Variants in TAFA2 observed in about 807,000 individuals in gnomAD.
The protein encoded by TAFA2 is chemokine-like protein TAFA-2.
TAFA2 carries 7 observed loss-of-function variants against 18.8 expected under a neutral mutation model. The ratio of observed to expected loss-of-function variants is 0.37; its 90% confidence interval spans 0.21 to 0.70. The LOEUF (loss-of-function observed/expected upper bound fraction) is 0.70. Ranked by LOEUF, TAFA2 falls within the 30% of genes least tolerant of loss-of-function variation. The pLI is 0.53. For missense variants in TAFA2, 122 were observed against 158.1 expected (o/e 0.77, Z 1.23); for synonymous variants, 60 against 54.2 (o/e 1.11, Z -0.47).
intron 1 of TAFA2, among the ~76,000 whole-genome samples, chr12:61,874,828 C>T (rs962616094): frequency 5.3e-5 from 8 of 152,080 alleles, no homozygotes; most frequent in Non-Finnish European, 1.0e-4. Context: ...GCTACATCAC[C>T]ATGCATCTAT....
chr12:62,125,312 T>C (rs999033914), intron 1 of TAFA2, among the ~76,000 whole-genome samples: 2 of 152,142 alleles, frequency 1.3e-5, no homozygotes, highest in African/African-American at 4.8e-5. Flanking sequence ...AGCAAACTGC[T>C]CTAAGCACAG....
intron 1 of TAFA2, among the ~76,000 whole-genome samples, chr12:62,062,647 A>G (rs1882381620): frequency 6.6e-6 from 1 of 152,236 alleles, no homozygotes; most frequent in Admixed American, 6.5e-5. Flanking sequence ...TTAAAACAAC[A>G]TAAACTTATT....
intron 2 of TAFA2, among the ~76,000 whole-genome samples, chr12:61,853,232 AT>A (rs556032072): frequency 6.3e-4 from 96 of 152,146 alleles, no homozygotes; most frequent in Non-Finnish European, 7.1e-4. Flanking sequence ...AGAGGCAAAA[AT>A]AAAGTTTACA....
chr12:62,117,507 A>G (rs751333050), intron 1 of TAFA2, among the ~76,000 whole-genome samples: 1 of 152,186 alleles, frequency 6.6e-6, no homozygotes, highest in Non-Finnish European at 1.5e-5. Context: ...GACCCCACAT[A>G]TTTCCAACAG....
At position 62,043,490 on chromosome 12, in the gene TAFA2, C is replaced by T. The variant is rs1051387395; in HGVS notation, c.-2+147769G>A. ...AGGTGGGGGTAGGGGGGAGGGATAG[C>T]ATTAGGAGATACACCTAATGTTAAA... On this transcript the variant is annotated intron_variant, in intron 1 of 4. Transcript: ENST00000416284. Among the ~76,000 whole-genome samples the T allele has an allele frequency of 8.6e-5, 13 of 152,006 alleles. 1 individual carries two copies. Among genetic ancestry groups the T allele is most frequent in the Non-Finnish European group, 1.8e-4 (12 of 68,002 alleles).
intron 4 of TAFA2, among the ~76,000 whole-genome samples, chr12:61,739,073 TG>T (rs1363849703): frequency 6.6e-6 from 1 of 152,054 alleles, no homozygotes; most frequent in African/African-American, 2.4e-5. Flanking sequence ...TTAATCCATG[TG>T]AGAAATCTAT....
At chr12:62,240,534 T>C (rs1334001423) in intron 1 of TAFA2, among the ~76,000 whole-genome samples, 1 of 152,206 alleles carries the variant, frequency 6.6e-6, no homozygotes, top group African/African-American at 2.4e-5. Context: ...TATAATGTAT[T>C]ATTTTTGCTA....
At chr12:62,119,235 A>C (rs1423040905) in intron 1 of TAFA2, among the ~76,000 whole-genome samples, 1 of 152,170 alleles carries the variant, frequency 6.6e-6, no homozygotes, top group African/African-American at 2.4e-5. Flanking sequence ...AACACTCCCA[A>C]ATTTTACTAC....
At chr12:61,731,055 T>G (rs1870422228) in intron 4 of TAFA2, among the ~76,000 whole-genome samples, 2 of 152,254 alleles carry the variant, frequency 1.3e-5, no homozygotes, top group South Asian at 4.1e-4. Context: ...CAAGGACCCC[T>G]GTGAGATAAA....
chr12:62,158,562 T>C (rs954002619), intron 1 of TAFA2, among the ~76,000 whole-genome samples: 1 of 152,212 alleles, frequency 6.6e-6, no homozygotes, highest in Admixed American at 6.5e-5. Context: ...GAGCTAACTT[T>C]CCTAGACTAA....
chr12:61,804,576 A>G (rs1871532854), intron 2 of TAFA2, among the ~76,000 whole-genome samples: 2 of 152,036 alleles, frequency 1.3e-5, no homozygotes. Flanking sequence ...TTTGTATTAC[A>G]ATGATTCTGG....
chr12:62,039,409 G>A (rs1169714035), intron 1 of TAFA2, among the ~76,000 whole-genome samples: 3 of 152,068 alleles, frequency 2.0e-5, no homozygotes, highest in Admixed American at 6.6e-5. Flanking sequence ...CATTGGAGAG[G>A]ATAATAAGAG....
upstream of TAFA2, among the ~76,000 whole-genome samples, chr12:62,196,949 C>T (rs1160598537): frequency 6.6e-6 from 1 of 152,322 alleles, no homozygotes; most frequent in African/African-American, 2.4e-5. Context: ...GACTGGTACC[C>T]TCCCTGTTAG....
At chr12:62,218,975 A>G (rs1331807533) in intron 1 of TAFA2, among the ~76,000 whole-genome samples, 1 of 152,184 alleles carries the variant, frequency 6.6e-6, no homozygotes, top group African/African-American at 2.4e-5. Flanking sequence ...TAAAATGACA[A>G]TATAAGAAAA....
At chr12:61,887,354 C>T (rs569701276) in intron 1 of TAFA2, among the ~76,000 whole-genome samples, 1 of 152,084 alleles carries the variant, frequency 6.6e-6, no homozygotes, top group South Asian at 2.1e-4. Context: ...GTAGGGTTAG[C>T]CTTATTACAA....
chr12:61,935,370 A>T (rs545573963), intron 1 of TAFA2, among the ~76,000 whole-genome samples: 1 of 152,146 alleles, frequency 6.6e-6, no homozygotes, highest in African/African-American at 2.4e-5. Context: ...GCAATAATTC[A>T]TCAAAAGCCA....
chr12:62,026,438 G>A (rs376584129), intron 1 of TAFA2, among the ~76,000 whole-genome samples: 20 of 151,980 alleles, frequency 1.3e-4, no homozygotes, highest in African/African-American at 4.8e-4. Flanking sequence ...AAACTTCCAG[G>A]TTCTTGGCAA....
At chr12:62,129,331 T>G (rs1870589849) in intron 1 of TAFA2, among the ~76,000 whole-genome samples, 1 of 152,054 alleles carries the variant, frequency 6.6e-6, no homozygotes, top group Non-Finnish European at 1.5e-5. Flanking sequence ...CAGTTGTATT[T>G]CCATTCTGTT....
At chr12:61,750,448 G>C (rs1219395465) in intron 4 of TAFA2, among the ~76,000 whole-genome samples, 1 of 152,090 alleles carries the variant, frequency 6.6e-6, no homozygotes, top group Admixed American at 6.6e-5. Context: ...TTCCAAAAAT[G>C]ACTGTCTATT....
Sources: gnomAD v4.1 joint callset for allele counts (sites outside exome capture counted in the v4.1 genomes callset) on GRCh38, gnomAD v4.1.1 for gene constraint, MANE v1.5 for transcripts, NCBI Gene and HGNC (gene_info 2026-07-23, HGNC 2026-07-21) for gene names.